CFAP77: variants seen among roughly 807,000 people sequenced by gnomAD.
CFAP77 encodes cilia- and flagella-associated protein 77.
A neutral mutation model predicts 31.1 loss-of-function variants in CFAP77; 25 were observed. The ratio of observed to expected loss-of-function variants is 0.80; its 90% CI spans 0.59 to 1.12. The LOEUF (loss-of-function observed/expected upper bound fraction) is 1.12. Ranked by LOEUF, CFAP77 falls within the 50% of genes most tolerant of loss-of-function variation. The probability of loss-of-function intolerance (pLI) is 0.00; values close to 1 mark genes in which losing one functional copy is unlikely to be tolerated. For missense variants in CFAP77, 377 were observed against 397.3 expected, an observed-to-expected ratio of 0.95 and a Z score of 0.44; for synonymous variants, 151 against 159.9, an observed-to-expected ratio of 0.94 and a Z score of 0.42.
intron 1 of CFAP77, among the ~76,000 whole-genome samples, chr9:132,466,566 A>G (rs931501651): frequency 6.6e-6 from 1 of 152,224 alleles, no homozygotes. Context: ...ACCCGATGTC[A>G]AGTAATTTCC....
chr9:132,450,903 G>C (rs950738310), intron 1 of CFAP77, among the ~76,000 whole-genome samples: 4 of 152,200 alleles, frequency 2.6e-5, no homozygotes, highest in African/African-American at 9.7e-5. Flanking sequence ...ATGGGTTGGA[G>C]AGCTACTTAG....
intron 3 of CFAP77, among the ~76,000 whole-genome samples, chr9:132,518,591 G>C (rs950178880): frequency 5.3e-5 from 8 of 152,168 alleles, no homozygotes; most frequent in Non-Finnish European, 1.0e-4. Flanking sequence ...GGAGGGCTTG[G>C]TATAGAAAGT....
intron 3 of CFAP77, among the ~76,000 whole-genome samples, chr9:132,533,296 G>T (rs1852489789): frequency 6.6e-6 from 1 of 152,216 alleles, no homozygotes; most frequent in African/African-American, 2.4e-5. Context: ...TCCCATCGAT[G>T]TTTCCCAGTG....
chr9:132,514,989 A>G (rs1852120922), intron 3 of CFAP77, among the ~76,000 whole-genome samples: 1 of 152,122 alleles, frequency 6.6e-6, no homozygotes, highest in Non-Finnish European at 1.5e-5. Flanking sequence ...CTCTGCTGGG[A>G]GGACAGAAGT....
intron 3 of CFAP77, among the ~76,000 whole-genome samples, chr9:132,530,682 A>G (rs1852429250): frequency 6.6e-6 from 1 of 152,134 alleles, no homozygotes; most frequent in Non-Finnish European, 1.5e-5. Flanking sequence ...TTTGCCAGAT[A>G]CATGGTTTAC....
At position 132,442,133 on chromosome 9, in the gene CFAP77, G is replaced by A. The variant is rs1389296037; in HGVS notation, c.195+31667G>A. Among the ~76,000 whole-genome samples the A allele has an allele frequency of 3.3e-5, 5 of 152,182 alleles. 1 individual carries two copies. Among genetic ancestry groups the A allele is most frequent in the Non-Finnish European group, 5.9e-5 (4 of 68,036 alleles). On this transcript the variant is annotated intron_variant, in intron 1 of 5. Transcript: ENST00000393216. Reference sequence around the variant, plus strand: ...ACATAGCCCCCGCCCTCCCTTGGGAGTTTCCAAGACAAGCAGTGATATGGA... The same window carrying A: ...ACATAGCCCCCGCCCTCCCTTGGGAATTTCCAAGACAAGCAGTGATATGGA...
rs574963005 is a variant in CFAP77 at position 132,462,317 on chromosome 9, T to C, written c.196-36378T>C. ...CAAGTGGTCCTGCTCCTCCGTTTGT[T>C]TGCTTGTTTTGTTTTTCCACGATGA... is the stretch of plus-strand genomic sequence containing the variant. On this transcript the variant is annotated intron_variant, in intron 1 of 5. Coordinates refer to ENST00000393216, the MANE Select transcript of CFAP77 (RefSeq NM_001282957.2). 8.5e-5 allele frequency among the ~76,000 whole-genome samples: 13 copies of C among 152,308 alleles called. 1 individual carries two copies. Among genetic ancestry groups the C allele is most frequent in the African/African-American group, 2.2e-4 (9 of 41,564 alleles).
rs895134932 is a variant in CFAP77 at position 132,511,268 on chromosome 9, C to G, written c.524+11668C>G. ...GCTAAACCTCCTTCAGTCCCCTGAA[C>G]TCCCTCCCTCCCCACGTTTCTCTGG... is the stretch of plus-strand genomic sequence containing the variant. On this transcript the variant is annotated intron_variant, in intron 3 of 5. Coordinates refer to ENST00000393216, the MANE Select transcript of CFAP77 (RefSeq NM_001282957.2). This position sits in a 1 kb window ranked among gnomAD's most constrained non-coding sequence, Gnocchi z 5.8. Among the ~76,000 whole-genome samples the G allele has an allele frequency of 2.0e-5, 3 of 152,156 alleles. No individual in the cohort carries two copies. Among genetic ancestry groups the G allele is most frequent in the African/African-American group, 7.2e-5 (3 of 41,430 alleles).
chr9:132,478,351 G>A (rs1055554718), intron 1 of CFAP77, among the ~76,000 whole-genome samples: 4 of 151,972 alleles, frequency 2.6e-5, no homozygotes, highest in South Asian at 2.1e-4. Flanking sequence ...TACCCTGCAC[G>A]AGGCTCACAG....
At chr9:132,559,869 C>T (rs1461207014) in intron 5 of CFAP77, among the ~76,000 whole-genome samples, 1 of 152,184 alleles carries the variant, frequency 6.6e-6, no homozygotes. Context: ...GTCCTCTGTG[C>T]TATAACGTGG....
chr9:132,536,362 C>T (rs1223437275), intron 3 of CFAP77, among the ~76,000 whole-genome samples: 1 of 150,398 alleles, frequency 6.6e-6, no homozygotes, highest in East Asian at 1.9e-4. Context: ...GTTTCCTGGC[C>T]TAGCTGCTGC....
intron 3 of CFAP77, among the ~76,000 whole-genome samples, chr9:132,507,782 A>T (rs369445586): frequency 6.6e-6 from 1 of 152,086 alleles, no homozygotes; most frequent in African/African-American, 2.4e-5. Context: ...GGGCGAGACC[A>T]CGTCTGCATT....
intron 1 of CFAP77, among the ~76,000 whole-genome samples, chr9:132,477,681 C>T (rs486545): frequency 0.47 from 72,057 of 152,050 alleles, 17,205 homozygotes; most frequent in Admixed American, 0.55. Flanking sequence ...CTTCTCTTGC[C>T]CTGCATTGGG....
chr9:132,522,017 C>G, intron 3 of CFAP77, among the ~76,000 whole-genome samples: 1 of 152,094 alleles, frequency 6.6e-6, no homozygotes, highest in Admixed American at 6.5e-5. Flanking sequence ...CTGCCTCGGC[C>G]TCCCAAAGTG....
rs149842561 is a variant in CFAP77, at chr9:132,498,736, C to G, written c.237C>G (p.Pro79=). ...CCCGGGAAAGAAGCTACAGTCTGCC[C>G]GGCATTAATTTTAATTATGGACTCT... The part of the protein sequence containing the change: ...GKPRERSYSL[P]GINFNYGLYI... The change falls in exon 2 of 6, where the codon CCC becomes CCG. Residue 79 remains proline (P), a synonymous_variant. Coordinates refer to ENST00000393216, the MANE Select transcript of CFAP77 (RefSeq NM_001282957.2). This position sits in a 1 kb window ranked among gnomAD's most constrained non-coding sequence, Gnocchi z 4.2. The G allele has an allele frequency of 4.3e-6, 7 of 1,612,500 alleles. No individual in the cohort carries two copies. Among genetic ancestry groups the G allele is most frequent in the Non-Finnish European group, 5.9e-6 (7 of 1,179,322 alleles).
Position 132,517,072 on chromosome 9 carries a change from A to G in CFAP77, c.524+17472A>G, listed in dbSNP as rs919924311. Among the ~76,000 whole-genome samples the G allele has an allele frequency of 5.3e-5, 8 of 152,148 alleles. No individual in the cohort carries two copies. The highest frequency in any genetic ancestry group is 1.0e-4 in the Non-Finnish European group (7 of 68,024). ...TTCAGAAACCCCATCCGGCAGGTGG[A>G]GAGGGTGGATCTCCCTAGACGGCTC... On this transcript the variant is annotated intron_variant, in intron 3 of 5. Coordinates refer to ENST00000393216, the MANE Select transcript of CFAP77 (RefSeq NM_001282957.2). This position sits in a 1 kb window ranked among gnomAD's most constrained non-coding sequence, Gnocchi z 4.7.
intron 3 of CFAP77, among the ~76,000 whole-genome samples, chr9:132,518,720 G>A (rs1032044943): frequency 5.3e-5 from 8 of 152,080 alleles, no homozygotes; most frequent in Admixed American, 3.3e-4. Flanking sequence ...TCTCCTGCCC[G>A]GCCACCTTCC....
intron 3 of CFAP77, among the ~76,000 whole-genome samples, chr9:132,518,821 G>A (rs954229918): frequency 2.6e-5 from 4 of 152,122 alleles, no homozygotes; most frequent in Admixed American, 2.0e-4. Context: ...TCTGAGCTCC[G>A]GCCACACTGC....
At chr9:132,419,036 C>T (rs538432499) in intron 1 of CFAP77, among the ~76,000 whole-genome samples, 4 of 152,240 alleles carry the variant, frequency 2.6e-5, no homozygotes, top group South Asian at 4.2e-4. Context: ...CTCAAAGGCA[C>T]GTCAGGGTTC....
Sources: allele counts gnomAD v4.1 joint callset (sites outside exome capture counted in the v4.1 genomes callset), GRCh38; gene constraint gnomAD v4.1.1; non-coding constraint Gnocchi (gnomAD v3.1); transcripts MANE v1.5; gene names NCBI Gene and HGNC (gene_info 2026-07-23, HGNC 2026-07-21).